TRIM55: variants seen among roughly 807,000 people sequenced by gnomAD.
The protein encoded by TRIM55 is tripartite motif-containing protein 55.
TRIM55 carries 50 observed loss-of-function variants against 60.9 expected under a neutral mutation model. The ratio of observed to expected loss-of-function variants is 0.82; its 90% CI spans 0.65 to 1.04. TRIM55 has a LOEUF of 1.04. TRIM55 is among the 50% of genes least tolerant of loss of function. TRIM55 has a pLI of 0.00. For missense variants in TRIM55, 681 were observed against 666.9 expected (o/e 1.02, Z -0.23); for synonymous variants, 237 against 238.1 (o/e 1.00, Z 0.04).
chr8:66,131,472 C>T (rs1443247425), intron 2 of TRIM55, among the ~76,000 whole-genome samples: 1 of 152,158 alleles, frequency 6.6e-6, no homozygotes, highest in Non-Finnish European at 1.5e-5. Flanking sequence ...ATTGACTTTC[C>T]ACTGTAGACA....
At chr8:66,127,933 C>T in intron 1 of TRIM55, among the ~76,000 whole-genome samples, 1 of 152,200 alleles carries the variant, frequency 6.6e-6, no homozygotes, top group East Asian at 1.9e-4. Context: ...GTCCTCTTTA[C>T]TCCCAAATCT....
intron 2 of TRIM55, among the ~76,000 whole-genome samples, chr8:66,132,189 G>A (rs946657807): frequency 3.3e-5 from 5 of 152,154 alleles, no homozygotes; most frequent in Admixed American, 6.5e-5. Flanking sequence ...AGTGGCTCAC[G>A]CCTATAATCC....
At chr8:66,136,132 G>A (rs1362884580) in intron 3 of TRIM55, among the ~76,000 whole-genome samples, 1 of 152,178 alleles carries the variant, frequency 6.6e-6, no homozygotes, top group Admixed American at 6.5e-5. Flanking sequence ...TTTGAATCCA[G>A]TTACAATTTA....
intron 1 of TRIM55, 35 bp downstream of exon 1, chr8:66,127,471 G>A (rs560912994): frequency 2.3e-5 from 36 of 1,599,794 alleles, no homozygotes; most frequent in Non-Finnish European, 3.0e-5. Flanking sequence ...AGGGGAGGGG[G>A]TGGAAAAGAT....
chr8:66,121,127 G>A, the TRIM55 span, among the ~76,000 whole-genome samples: 824 of 152,310 alleles, frequency 5.4e-3, 1 homozygote, highest in Non-Finnish European at 9.5e-3. Flanking sequence ...ACCCTTCAGC[G>A]TCACATCCAC....
chr8:66,114,086 C>CA, the TRIM55 span, among the ~76,000 whole-genome samples: 1 of 130,626 alleles, frequency 7.7e-6, no homozygotes, highest in Non-Finnish European at 1.7e-5. Flanking sequence ...AGAGACACCC[C>CA]CCCCCCCATT....
intron 9 of TRIM55, among the ~76,000 whole-genome samples, chr8:66,159,751 A>G (rs1226873270): frequency 1.3e-5 from 2 of 152,158 alleles, no homozygotes; most frequent in African/African-American, 2.4e-5. Context: ...ATGATTATGC[A>G]TGGTTTCTCC....
intron 9 of TRIM55, among the ~76,000 whole-genome samples, chr8:66,174,214 G>A (rs530568436): frequency 1.8e-3 from 276 of 149,798 alleles, no homozygotes; most frequent in Non-Finnish European, 2.8e-3. Context: ...TTTTTCCCAA[G>A]AACTTCTCTC....
At chr8:66,156,464 C>T (rs1810746359) in intron 9 of TRIM55, among the ~76,000 whole-genome samples, 1 of 152,108 alleles carries the variant, frequency 6.6e-6, no homozygotes, top group East Asian at 1.9e-4. Context: ...ATAGCCAAGC[C>T]TTTGCTTGAT....
chr8:66,124,295 G>C (rs907324723), upstream of TRIM55, among the ~76,000 whole-genome samples: 2 of 152,158 alleles, frequency 1.3e-5, no homozygotes, highest in Non-Finnish European at 2.9e-5. Flanking sequence ...TGCTCTCACG[G>C]AAGTGTCCAG....
chr8:66,116,067 A>G, the TRIM55 span, among the ~76,000 whole-genome samples: 1 of 152,178 alleles, frequency 6.6e-6, no homozygotes, highest in Non-Finnish European at 1.5e-5. Flanking sequence ...GCGTTTATAT[A>G]AATATATATG....
At chr8:66,114,085 C>CT in the TRIM55 span, among the ~76,000 whole-genome samples, 1 of 127,560 alleles carries the variant, frequency 7.8e-6, no homozygotes, top group Non-Finnish European at 1.7e-5. Flanking sequence ...GAGAGACACC[C>CT]CCCCCCCCAT....
At chr8:66,165,992 G>A (rs1466183634) in intron 9 of TRIM55, among the ~76,000 whole-genome samples, 2 of 151,766 alleles carry the variant, frequency 1.3e-5, no homozygotes, top group South Asian at 2.1e-4. Context: ...GATATTGGGG[G>A]CCTTGGGGAA....
At chr8:66,155,763 A>T in intron 9 of TRIM55, 1 of 1,267,768 alleles carries the variant, frequency 7.9e-7, no homozygotes, top group South Asian at 1.3e-5. Context: ...TTTCTTCCAT[A>T]ATGTTCCTCT....
intron 1 of TRIM55, 59 bp downstream of exon 1, chr8:66,127,495 A>C (rs896979909): frequency 1.6e-5 from 25 of 1,581,268 alleles, no homozygotes; most frequent in Non-Finnish European, 2.1e-5. Context: ...CTCCTCTTGG[A>C]ATCAAGTGCT....
At chr8:66,163,084 C>A (rs1335152429) in intron 9 of TRIM55, among the ~76,000 whole-genome samples, 1 of 151,782 alleles carries the variant, frequency 6.6e-6, no homozygotes, top group Non-Finnish European at 1.5e-5. Context: ...TATTTTGTAC[C>A]ATTGATATAT....
intron 9 of TRIM55, among the ~76,000 whole-genome samples, chr8:66,171,211 G>GT (rs911203024): frequency 1.3e-5 from 2 of 152,116 alleles, no homozygotes; most frequent in African/African-American, 4.8e-5. Context: ...CTCATTAGTT[G>GT]TTTTTCCTGA....
intron 9 of TRIM55, among the ~76,000 whole-genome samples, chr8:66,160,955 C>G (rs2128984130): frequency 6.7e-6 from 1 of 150,286 alleles, no homozygotes; most frequent in African/African-American, 2.4e-5. Flanking sequence ...TGCAGATTTT[C>G]TTCCACTCTA....
chr8:66,135,206 T>C (rs1809413128), intron 3 of TRIM55, 51 bp downstream of exon 3: 1 of 1,598,052 alleles, frequency 6.3e-7, no homozygotes, highest in Non-Finnish European at 8.6e-7. Context: ...CCCCACACCT[T>C]AGGGCCTTCC....
Sources: gnomAD v4.1 joint callset for allele counts (sites outside exome capture counted in the v4.1 genomes callset) on GRCh38, gnomAD v4.1.1 for gene constraint, MANE v1.5 for transcripts, NCBI Gene and HGNC (gene_info 2026-07-23, HGNC 2026-07-21) for gene names.